Variants in CELF2 observed in about 807,000 individuals in gnomAD.
CELF2 encodes CUGBP Elav-like family member 2, also known as CUG triplet repeat RNA-binding protein 2.
CELF2 carries 8 observed loss-of-function variants against 62.6 expected under a neutral mutation model. The observed-to-expected ratio is 0.13, with a 90% CI of 0.07 to 0.23. CELF2 has a LOEUF of 0.23. Among genes scored for constraint, CELF2 ranks in the 10% least tolerant of loss-of-function variants. The pLI is 1.00. For missense variants in CELF2, 333 were observed against 671.0 expected (o/e 0.50, Z 5.56); for synonymous variants, 258 against 250.0 (o/e 1.03, Z -0.30).
the CELF2 span, among the ~76,000 whole-genome samples, chr10:10,502,591 T>G: frequency 6.6e-6 from 1 of 152,008 alleles, no homozygotes; most frequent in Non-Finnish European, 1.5e-5. Flanking sequence ...TATTGTACTT[T>G]TGATATCTGC....
At chr10:11,238,721 A>G (rs2072557952) in intron 3 of CELF2, among the ~76,000 whole-genome samples, 1 of 152,266 alleles carries the variant, frequency 6.6e-6, no homozygotes, top group Admixed American at 6.5e-5. Flanking sequence ...CTAATATAGT[A>G]AAAATATTTC....
At chr10:11,043,450 C>G (rs1418387084) in intron 1 of CELF2, among the ~76,000 whole-genome samples, 1 of 152,180 alleles carries the variant, frequency 6.6e-6, no homozygotes. Context: ...CTGATGCAGT[C>G]CAGTTGTGTG....
intron 1 of CELF2, among the ~76,000 whole-genome samples, chr10:11,061,734 C>T (rs1390316298): frequency 6.6e-6 from 1 of 152,232 alleles, no homozygotes; most frequent in African/African-American, 2.4e-5. Context: ...ACTAAACGTA[C>T]TCTTCCAGTG....
In CELF2 at chr10:11,159,821, T is replaced by C. The variant is rs1056147759; in HGVS notation, c.75-5665T>C. 1.2e-4 allele frequency among the ~76,000 whole-genome samples: 19 copies of C among 152,370 alleles called. No homozygotes were observed. The highest frequency in any genetic ancestry group is 3.4e-3 in the Middle Eastern group (1 of 294). On this transcript the variant is annotated intron_variant, in intron 1 of 12. Transcript: ENST00000633077. This position sits in a 1 kb window ranked among gnomAD's most constrained non-coding sequence, Gnocchi z 5.0. ...AGCCTGTTTCTTCGTGTGCTATTAC[T>C]TAAGTACAAGTGATATTTAAAAATG...
chr10:10,876,291 A>G (rs989239466), intron 1 of CELF2, among the ~76,000 whole-genome samples: 1 of 152,160 alleles, frequency 6.6e-6, no homozygotes, highest in South Asian at 2.1e-4. Context: ...TATGCTTAGG[A>G]GGAAGAGAGC....
intron 2 of CELF2, among the ~76,000 whole-genome samples, chr10:10,960,529 A>G (rs1455584532): frequency 6.6e-6 from 1 of 152,272 alleles, no homozygotes; most frequent in Non-Finnish European, 1.5e-5. Flanking sequence ...GCCCATAAAA[A>G]ATTCTGAAAT....
chr10:10,784,273 T>C, the CELF2 span, among the ~76,000 whole-genome samples: 6 of 152,164 alleles, frequency 3.9e-5, no homozygotes, highest in African/African-American at 9.7e-5. Context: ...TCCAGCCCCA[T>C]GGCAGCATCT....
chr10:10,872,676 A>G (rs1738264963), intron 1 of CELF2, among the ~76,000 whole-genome samples: 1 of 152,060 alleles, frequency 6.6e-6, no homozygotes, highest in Non-Finnish European at 1.5e-5. Flanking sequence ...AACAACAACA[A>G]AAAACTGCAA....
chr10:10,782,050 C>T, the CELF2 span, among the ~76,000 whole-genome samples: 5 of 152,152 alleles, frequency 3.3e-5, no homozygotes, highest in Non-Finnish European at 7.3e-5. Context: ...GGGAGGATTA[C>T]ATAACTTATA....
the CELF2 span, among the ~76,000 whole-genome samples, chr10:10,470,580 A>G: frequency 6.6e-6 from 1 of 151,694 alleles, no homozygotes; most frequent in Admixed American, 6.6e-5. Flanking sequence ...CTTCCTCCTC[A>G]ATCTTCAAAG....
intron 1 of CELF2, among the ~76,000 whole-genome samples, chr10:10,886,536 T>C (rs2061760088): frequency 6.6e-6 from 1 of 152,066 alleles, no homozygotes; most frequent in African/African-American, 2.4e-5. Context: ...AACGTGTATG[T>C]GCATTAAAAA....
chr10:10,940,913 A>G (rs1204464390), intron 2 of CELF2, among the ~76,000 whole-genome samples: 1 of 152,272 alleles, frequency 6.6e-6, no homozygotes, highest in Non-Finnish European at 1.5e-5. Flanking sequence ...TCAGTGAATT[A>G]CCCTGTAGTA....
Position 11,306,369 on chromosome 10 carries a change from G to C in CELF2, c.977-7770G>C, listed in dbSNP as rs909235218. Among the ~76,000 whole-genome samples the C allele has an allele frequency of 6.6e-6, 1 of 152,066 alleles. No homozygotes were observed. Among genetic ancestry groups the C allele is most frequent in the Non-Finnish European group, 1.5e-5 (1 of 68,006 alleles). ...AATCTGAGGTGGGAAGAATGCAGATGGTTGTCCGAGGCAGCATCTTGCCAG... is the reference window on the plus strand; with the variant it reads ...AATCTGAGGTGGGAAGAATGCAGATCGTTGTCCGAGGCAGCATCTTGCCAG... On this transcript the variant is annotated intron_variant, in intron 9 of 12. Transcript: ENST00000633077. This position sits in a 1 kb window ranked among gnomAD's most constrained non-coding sequence, Gnocchi z 4.4.
At chr10:11,089,944 T>C (rs2047857229) in intron 1 of CELF2, among the ~76,000 whole-genome samples, 1 of 152,120 alleles carries the variant, frequency 6.6e-6, no homozygotes, top group South Asian at 2.1e-4. Context: ...ATACCACATG[T>C]TGTCACTTGA....
chr10:10,571,769 C>T, the CELF2 span, among the ~76,000 whole-genome samples: 2 of 152,048 alleles, frequency 1.3e-5, no homozygotes, highest in Non-Finnish European at 2.9e-5. Context: ...ATGGAGTGAC[C>T]GTGGGTCATG....
At chr10:10,889,757 C>T (rs1304116202) in intron 1 of CELF2, among the ~76,000 whole-genome samples, 2 of 152,180 alleles carry the variant, frequency 1.3e-5, no homozygotes, top group East Asian at 3.8e-4. Flanking sequence ...TCCTCCTGCC[C>T]CAGCCCTAGG....
the CELF2 span, among the ~76,000 whole-genome samples, chr10:10,579,284 G>T: frequency 2.0e-5 from 3 of 152,156 alleles, no homozygotes; most frequent in Non-Finnish European, 4.4e-5. Flanking sequence ...GGCTGAAAAT[G>T]CAGGATTGAC....
chr10:10,835,705 G>A (rs2058234875), intron 1 of CELF2, among the ~76,000 whole-genome samples: 8 of 152,124 alleles, frequency 5.3e-5, no homozygotes. Flanking sequence ...TTTTAAATGT[G>A]TGCATGGTTA....
At chr10:10,597,365 C>T in the CELF2 span, among the ~76,000 whole-genome samples, 1 of 152,158 alleles carries the variant, frequency 6.6e-6, no homozygotes, top group Non-Finnish European at 1.5e-5. Context: ...TATTTGTTTG[C>T]TTGTTTTTAT....
Sources: gnomAD v4.1 joint callset for allele counts (sites outside exome capture counted in the v4.1 genomes callset) on GRCh38, gnomAD v4.1.1 for gene constraint, Gnocchi (gnomAD v3.1) non-coding constraint, MANE v1.5 for transcripts, NCBI Gene and HGNC (gene_info 2026-07-23, HGNC 2026-07-21) for gene names.